Variants in PREP observed in about 807,000 individuals in gnomAD.
The protein encoded by PREP is dJ355L5.1 (prolyl endopeptidase).
In PREP, 29 loss-of-function variants were observed where a neutral mutation model predicts 87.6. The ratio of observed to expected loss-of-function variants is 0.33; its 90% CI spans 0.25 to 0.45. PREP has a LOEUF of 0.45. Among genes scored for constraint, PREP ranks in the 20% least tolerant of loss-of-function variants. The pLI, the probability that PREP is intolerant of heterozygous loss-of-function variation, is 1.00. For missense variants in PREP, 695 were observed against 886.5 expected, an observed-to-expected ratio of 0.78 and a Z score of 2.74; for synonymous variants, 337 against 328.6, an observed-to-expected ratio of 1.03 and a Z score of -0.28.
At chr6:105,332,560 T>A (rs1229092179) in intron 8 of PREP, among the ~76,000 whole-genome samples, 3 of 152,184 alleles carry the variant, frequency 2.0e-5, no homozygotes, top group African/African-American at 7.2e-5. Context: ...TTATCCTCAA[T>A]CTACCCAGCA....
intron 10 of PREP, among the ~76,000 whole-genome samples, chr6:105,319,249 C>G (rs1478453721): frequency 6.6e-6 from 1 of 152,172 alleles, no homozygotes; most frequent in East Asian, 1.9e-4. Context: ...ATGTTAACTA[C>G]TTATAAAATC....
intron 6 of PREP, among the ~76,000 whole-genome samples, chr6:105,356,454 C>A (rs779144757): frequency 1.3e-5 from 2 of 152,226 alleles, no homozygotes; most frequent in Admixed American, 6.5e-5. Flanking sequence ...GTACACACTG[C>A]TTAACAGTTA....
intron 10 of PREP, among the ~76,000 whole-genome samples, chr6:105,316,549 C>G (rs962747405): frequency 1.3e-5 from 2 of 152,148 alleles, no homozygotes; most frequent in African/African-American, 4.8e-5. Flanking sequence ...TTGTTCAACA[C>G]AAGGTTGCTT....
chr6:105,396,585 G>A (rs72939771), intron 2 of PREP, among the ~76,000 whole-genome samples: 8,424 of 152,196 alleles, frequency 0.055, 300 homozygotes, highest in South Asian at 0.19. Context: ...CAGGTCTCCA[G>A]AGAACACTGG....
In PREP at chr6:105,376,402, G is replaced by C; in HGVS notation, c.255-147C>G. On this transcript the variant is annotated intron_variant, in intron 3 of 14. Coordinates refer to ENST00000652536, the MANE Select transcript of PREP (RefSeq NM_002726.5). Reference sequence around the variant, plus strand: ...GCCATCGCAGGGACGTGGGGACATGGGTGAAAGGTTCCATCATTTCTCTCT... The same window carrying C: ...GCCATCGCAGGGACGTGGGGACATGCGTGAAAGGTTCCATCATTTCTCTCT... 5 of 823,132 alleles carry C rather than the reference G, an allele frequency of 6.1e-6. No homozygotes were observed. In the South Asian group the frequency reaches 1.0e-4, roughly 17 times the overall value. 51.0% of individuals were successfully genotyped at this position (823,132 alleles called of 1,614,324 possible).
chr6:105,286,823 A>G (rs1268701911), intron 11 of PREP, among the ~76,000 whole-genome samples: 1 of 152,076 alleles, frequency 6.6e-6, no homozygotes, highest in Non-Finnish European at 1.5e-5. Flanking sequence ...TCCTGAGACT[A>G]CTATTAAATG....
chr6:105,364,796 G>A (rs1245984633), intron 6 of PREP, among the ~76,000 whole-genome samples: 1 of 152,220 alleles, frequency 6.6e-6, no homozygotes, highest in Non-Finnish European at 1.5e-5. Flanking sequence ...TTCCAGTACA[G>A]TCCTCCCACT....
chr6:105,294,153 A>G (rs1770359152), intron 10 of PREP, among the ~76,000 whole-genome samples: 1 of 152,202 alleles, frequency 6.6e-6, no homozygotes, highest in South Asian at 2.1e-4. Context: ...AGCCTTATTG[A>G]CTGGGCCTAC....
At chr6:105,396,795 T>C (rs985845769) in intron 2 of PREP, among the ~76,000 whole-genome samples, 5 of 152,140 alleles carry the variant, frequency 3.3e-5, no homozygotes, top group Non-Finnish European at 7.3e-5. Context: ...CTAAGTATTA[T>C]GTACTATGGT....
At chr6:105,368,138 G>T (rs1250355094) in intron 6 of PREP, among the ~76,000 whole-genome samples, 1 of 152,200 alleles carries the variant, frequency 6.6e-6, no homozygotes. Flanking sequence ...TTCAACTGAA[G>T]AGGTGTCTCA....
At chr6:105,288,684 G>A in intron 11 of PREP, 74 bp downstream of exon 11, 1 of 1,561,028 alleles carries the variant, frequency 6.4e-7, no homozygotes, top group Non-Finnish European at 8.7e-7. Context: ...AGTTGATTTA[G>A]TAGAGCACTC....
At chr6:105,299,016 A>T (rs1397931641) in intron 10 of PREP, 2 of 152,188 alleles carry the variant, frequency 1.3e-5, no homozygotes, top group Non-Finnish European at 2.9e-5. Flanking sequence ...CAAACCAATA[A>T]CATTAAGCAC....
At chr6:105,339,234 C>T (rs976860959) in intron 7 of PREP, among the ~76,000 whole-genome samples, 1 of 152,186 alleles carries the variant, frequency 6.6e-6, no homozygotes, top group African/African-American at 2.4e-5. Flanking sequence ...GCAATATTTG[C>T]TGTTCTGTAG....
intron 10 of PREP, chr6:105,322,334 T>C (rs1771032624): frequency 1.1e-6 from 1 of 922,254 alleles, no homozygotes; most frequent in Admixed American, 6.2e-5. Flanking sequence ...TGCCAGATCT[T>C]GAATATACCT....
intron 10 of PREP, among the ~76,000 whole-genome samples, chr6:105,315,843 C>T (rs1770852763): frequency 6.6e-6 from 1 of 152,224 alleles, no homozygotes; most frequent in Non-Finnish European, 1.5e-5. Context: ...GAACCAACCT[C>T]TGCTAGCTCC....
At chr6:105,370,302 C>CA (rs71549435) in intron 5 of PREP, among the ~76,000 whole-genome samples, 28,008 of 77,690 alleles carry the variant, frequency 0.36, 4,620 homozygotes, top group African/African-American at 0.47. Flanking sequence ...GACTCCATCT[C>CA]AAAAAAAAAA....
Position 105,397,853 on chromosome 6 carries a change from C to G in PREP, c.120G>C (p.Lys40Asn), listed in dbSNP as rs1252695384. 2 of 1,603,030 alleles carry G rather than the reference C, an allele frequency of 1.2e-6. No individual in the cohort carries two copies. Among genetic ancestry groups the G allele is most frequent in the Admixed American group, 3.3e-5 (2 of 59,986 alleles). The change falls in exon 2 of 15, where the codon AAG (lysine) becomes AAC (asparagine). Residue 40 changes from lysine (K) to asparagine (N), a missense_variant and splice_region_variant. By Grantham distance (94) the Lys-to-Asn change is moderately conservative (BLOSUM62 0). Around this residue, in one of 5 missense-constraint regions of PREP, gnomAD observed 517 missense variants for 620.3 expected, o/e 0.83. Coordinates refer to ENST00000652536, the MANE Select transcript of PREP (RefSeq NM_002726.5). ...WLEDPDSEQT[K>N]AFVEAQNKIT... ...TATCTTTAATTAGAAACCAAATTAC[C>G]TTAGTCTGTTCACTGTCGGGGTCTT...
intron 12 of PREP, among the ~76,000 whole-genome samples, chr6:105,285,143 CAA>C (rs1770163871): frequency 6.6e-6 from 1 of 152,120 alleles, no homozygotes. Flanking sequence ...ACAAGGCTAA[CAA>C]GAGACAGAAT....
At position 105,277,082 on chromosome 6, in the gene PREP, T is replaced by C. The variant is rs1332420173; in HGVS notation, c.*1062A>G. 2.0e-5 allele frequency among the ~76,000 whole-genome samples: 3 copies of C among 151,990 alleles called. No homozygotes were observed. Among genetic ancestry groups the C allele is most frequent in the African/African-American group, 7.2e-5 (3 of 41,406 alleles). ...CATTGTTTCATGAAATGTTAAAATA[T>C]ATGCCTTGAAAAAAATTTTATGGAT... On this transcript the variant is annotated 3_prime_UTR_variant, in exon 15 of 15. Coordinates refer to ENST00000652536, the MANE Select transcript of PREP (RefSeq NM_002726.5).
Sources: allele counts gnomAD v4.1 joint callset (sites outside exome capture counted in the v4.1 genomes callset), GRCh38; gene constraint gnomAD v4.1.1; regional missense constraint gnomAD v4.1.1; transcripts MANE v1.5; gene names NCBI Gene and HGNC (gene_info 2026-07-23, HGNC 2026-07-21).